The following ARSG variants were observed in gnomAD, a reference collection of about 807,000 sequenced individuals.
ARSG encodes the protein arylsulfatase G.
In ARSG, 37 loss-of-function variants were observed where a neutral mutation model predicts 50.5. That is an observed-to-expected ratio of 0.73 (90% CI 0.56 to 0.96). The LOEUF (loss-of-function observed/expected upper bound fraction) is 0.96, where lower values mean the gene tolerates loss of function less well. ARSG is among the 50% of genes least tolerant of loss of function. ARSG has a pLI of 0.00. For synonymous variants in ARSG, 225 were observed against 254.6 expected (o/e 0.88, Z 1.11); for missense variants, 629 against 675.3 (o/e 0.93, Z 0.76).
downstream of ARSG, chr17:68,427,497 C>T: frequency 6.5e-6 from 2 of 307,322 alleles, no homozygotes; most frequent in South Asian, 3.9e-5. Flanking sequence ...GCTGCGACTA[C>T]AGGCACCCAC....
At chr17:68,380,419 T>C (rs1458884392) in intron 8 of ARSG, among the ~76,000 whole-genome samples, 1 of 151,774 alleles carries the variant, frequency 6.6e-6, no homozygotes, top group Admixed American at 6.6e-5. Context: ...CTACCACACT[T>C]AGCTAATTAT....
chr17:68,394,862 T>G (rs2081163208), intron 9 of ARSG, among the ~76,000 whole-genome samples: 1 of 152,196 alleles, frequency 6.6e-6, no homozygotes, highest in Admixed American at 6.5e-5. Context: ...CTGCAGAGCC[T>G]GGGTGCTGAA....
At chr17:68,352,698 C>T (rs532743813) in intron 5 of ARSG, among the ~76,000 whole-genome samples, 16 of 152,052 alleles carry the variant, frequency 1.1e-4, no homozygotes, top group East Asian at 9.7e-4. Flanking sequence ...TTAGAAGAGA[C>T]GGGGTTTCGC....
the ARSG span, chr17:68,428,665 C>T: frequency 3.0e-5 from 18 of 590,268 alleles, no homozygotes; most frequent in Admixed American, 2.6e-4. Context: ...GGGCACCTGA[C>T]ACAGAGCCCG....
At chr17:68,326,341 C>T (rs781919308) in intron 2 of ARSG, among the ~76,000 whole-genome samples, 12 of 152,164 alleles carry the variant, frequency 7.9e-5, no homozygotes, top group Non-Finnish European at 1.3e-4. Context: ...ACAAAAAGGG[C>T]CTGAGGCCAG....
chr17:68,421,262 T>C (rs60526163), downstream of ARSG: 1 of 139,958 alleles, frequency 7.1e-6, no homozygotes, highest in African/African-American at 2.6e-5. Flanking sequence ...AACAAAAAAA[T>C]ATATAAAAAC....
intron 1 of ARSG, among the ~76,000 whole-genome samples, chr17:68,263,514 A>G (rs2075105731): frequency 6.6e-6 from 1 of 152,202 alleles, no homozygotes; most frequent in Admixed American, 6.5e-5. Flanking sequence ...CTCTTTGCCA[A>G]GGCTGTGTGC....
upstream of ARSG, among the ~76,000 whole-genome samples, chr17:68,290,620 C>T (rs1057112359): frequency 6.6e-6 from 1 of 152,256 alleles, no homozygotes; most frequent in African/African-American, 2.4e-5. Context: ...CACTTTCCCT[C>T]GCGCTGCCTC....
chr17:68,368,440 G>A, intron 6 of ARSG, 108 bp from the exon 7 acceptor site: 1 of 995,270 alleles, frequency 1.0e-6, no homozygotes, highest in Non-Finnish European at 1.5e-6. Flanking sequence ...GAGCCCGTGG[G>A]GCAGAAGGAG....
chr17:68,351,742 CTG>C, intron 5 of ARSG, 56 bp downstream of exon 5: 1 of 1,163,434 alleles, frequency 8.6e-7, no homozygotes, highest in Non-Finnish European at 1.3e-6. Flanking sequence ...AGTTCCAAGA[CTG>C]TGGTCCATCA....
intron 11 of ARSG, among the ~76,000 whole-genome samples, chr17:68,409,670 T>G (rs1198284041): frequency 3.4e-5 from 5 of 148,952 alleles, no homozygotes; most frequent in Non-Finnish European, 7.5e-5. Flanking sequence ...AAGTCATTGG[T>G]AGCTTGATGG....
intron 6 of ARSG, among the ~76,000 whole-genome samples, chr17:68,358,136 T>TGG (rs1555781164): frequency 6.6e-6 from 1 of 151,456 alleles, no homozygotes; most frequent in Non-Finnish European, 1.5e-5. Flanking sequence ...CTGGGAGGCA[T>TGG]AGGTTGCAGT....
chr17:68,274,017 A>G (rs1555750063), intron 1 of ARSG: 17 of 1,614,020 alleles, frequency 1.1e-5, no homozygotes, highest in South Asian at 6.6e-5. Flanking sequence ...AGCCCCCCCA[A>G]CATCACTACC....
intron 2 of ARSG, among the ~76,000 whole-genome samples, chr17:68,317,474 T>C (rs55752990): frequency 0.037 from 5,696 of 152,166 alleles, 350 homozygotes; most frequent in African/African-American, 0.13. Context: ...TGTTTTTTTT[T>C]TTTTGTATGT....
At chr17:68,370,311 G>A (rs2079767476) in intron 7 of ARSG, 133 bp from the exon 8 acceptor site, 1 of 701,332 alleles carries the variant, frequency 1.4e-6, no homozygotes. Context: ...ACTGCACTAG[G>A]CCCATGTTTG....
intron 2 of ARSG, among the ~76,000 whole-genome samples, chr17:68,309,720 G>T (rs892376226): frequency 6.6e-6 from 1 of 151,820 alleles, no homozygotes; most frequent in Admixed American, 6.6e-5. Context: ...GTAGCCGGGC[G>T]CAGTGGCAGG....
intron 10 of ARSG, among the ~76,000 whole-genome samples, chr17:68,395,530 G>A (rs115278753): frequency 0.012 from 1,831 of 152,288 alleles, 35 homozygotes; most frequent in African/African-American, 0.042. Flanking sequence ...AGAGGTTGCC[G>A]CCAGCAAGTG....
chr17:68,433,897 C>T, the ARSG span, among the ~76,000 whole-genome samples: 1 of 149,962 alleles, frequency 6.7e-6, no homozygotes, highest in South Asian at 2.1e-4. Flanking sequence ...ATTCTCCTGC[C>T]TCAGCCTCCC....
chr17:68,427,084 G>A (rs768629032), downstream of ARSG: 8 of 1,469,600 alleles, frequency 5.4e-6, no homozygotes, highest in Admixed American at 5.0e-5. Flanking sequence ...GGGAGAAGGG[G>A]AGGGAGGTCA....
Sources: gnomAD v4.1 joint callset for allele counts (sites outside exome capture counted in the v4.1 genomes callset) on GRCh38, gnomAD v4.1.1 for gene constraint, MANE v1.5 for transcripts, NCBI Gene and HGNC (gene_info 2026-07-23, HGNC 2026-07-21) for gene names.